PARD3B: variants seen among roughly 807,000 people sequenced by gnomAD.
The protein encoded by PARD3B is par-3 family cell polarity regulator beta, also known as partitioning defective 3 homolog B.
In PARD3B, 103 loss-of-function variants were observed where a neutral mutation model predicts 130.2. The observed-to-expected ratio is 0.79, with a 90% CI of 0.67 to 0.93. The LOEUF (loss-of-function observed/expected upper bound fraction) is 0.93. Among genes scored for constraint, PARD3B ranks in the 40% least tolerant of loss-of-function variants. PARD3B has a pLI of 0.00. For synonymous variants in PARD3B, 583 were observed against 553.2 expected (o/e 1.05, Z -0.76); for missense variants, 1,609 against 1,499.2 (o/e 1.07, Z -1.21).
At chr2:205,607,959 T>C (rs10932120) in intron 22 of PARD3B, among the ~76,000 whole-genome samples, 31,913 of 151,746 alleles carry the variant, frequency 0.21, 3,687 homozygotes, top group South Asian at 0.28. Flanking sequence ...AATAATCTAA[T>C]GATCATAGGT....
chr2:205,614,675 C>CA (rs2055356373), intron 22 of PARD3B, among the ~76,000 whole-genome samples: 1 of 150,992 alleles, frequency 6.6e-6, no homozygotes, highest in Admixed American at 6.6e-5. Context: ...CATTGCACTC[C>CA]AGCCTGGGTG....
chr2:204,808,995 A>G (rs1364523051), intron 2 of PARD3B, among the ~76,000 whole-genome samples: 2 of 151,874 alleles, frequency 1.3e-5, no homozygotes, highest in Admixed American at 1.3e-4. Context: ...ATGGTACCCC[A>G]TTGTGGTTTT....
intron 2 of PARD3B, among the ~76,000 whole-genome samples, chr2:204,813,312 C>A (rs947110182): frequency 1.3e-4 from 19 of 151,874 alleles, no homozygotes; most frequent in African/African-American, 4.1e-4. Context: ...TACTTCTTTG[C>A]CATTTGTATA....
intron 2 of PARD3B, among the ~76,000 whole-genome samples, chr2:204,861,924 C>CAAAAAAAAAAAA (rs60473341): frequency 1.8e-4 from 6 of 34,078 alleles, no homozygotes; most frequent in East Asian, 8.7e-4. Context: ...AGACATTTCT[C>CAAAAAAAAAAAA]AAAAAAAAAA....
chr2:205,416,702 A>G (rs986791320), intron 19 of PARD3B, among the ~76,000 whole-genome samples: 1 of 152,132 alleles, frequency 6.6e-6, no homozygotes, highest in African/African-American at 2.4e-5. Flanking sequence ...TTTATGGAAG[A>G]TTGATGCATT....
At chr2:204,969,532 A>G (rs970694892) in intron 3 of PARD3B, among the ~76,000 whole-genome samples, 2 of 152,234 alleles carry the variant, frequency 1.3e-5, no homozygotes, top group African/African-American at 2.4e-5. Context: ...AGAATTTTAT[A>G]ATTAGCAATT....
At chr2:204,656,854 T>C (rs1407031831) in intron 1 of PARD3B, among the ~76,000 whole-genome samples, 2 of 152,328 alleles carry the variant, frequency 1.3e-5, no homozygotes, top group East Asian at 3.9e-4. Flanking sequence ...TAATAAGCTT[T>C]AAATGATTTG....
intron 2 of PARD3B, among the ~76,000 whole-genome samples, chr2:204,955,311 G>T (rs186338449): frequency 9.2e-5 from 14 of 152,224 alleles, no homozygotes; most frequent in African/African-American, 3.4e-4. Context: ...AGGAGACAAG[G>T]TTGGAATCAT....
chr2:205,164,684 T>C (rs1045147187), intron 11 of PARD3B, among the ~76,000 whole-genome samples: 16 of 152,102 alleles, frequency 1.1e-4, no homozygotes, highest in African/African-American at 3.4e-4. Context: ...AGGGTTGATA[T>C]TCCTAATGAA....
At chr2:205,117,741 T>A (rs1166652585) in intron 6 of PARD3B, among the ~76,000 whole-genome samples, 1 of 152,200 alleles carries the variant, frequency 6.6e-6, no homozygotes, top group Non-Finnish European at 1.5e-5. Flanking sequence ...AGCAGACTCC[T>A]CTTGCAGGAC....
rs945406934 is a variant in PARD3B, at chr2:205,351,384, T to A, written c.2631-49629T>A. ...TCAGTCTAGATAGATTGAGCCTAGG[T>A]CATCTCTTTTGGGCAAGGATGGTGA... On this transcript the variant is annotated intron_variant, in intron 18 of 22. Coordinates refer to ENST00000406610, the MANE Select transcript of PARD3B (RefSeq NM_001302769.2). This position sits in a 1 kb window ranked among gnomAD's most constrained non-coding sequence, Gnocchi z 4.2. 2.6e-5 allele frequency among the ~76,000 whole-genome samples: 4 copies of A among 152,180 alleles called. No homozygotes were observed. The highest frequency in any genetic ancestry group is 1.3e-4 in the Admixed American group (2 of 15,282).
intron 4 of PARD3B, among the ~76,000 whole-genome samples, chr2:205,068,486 C>T (rs1700526197): frequency 6.6e-6 from 1 of 150,458 alleles, no homozygotes; most frequent in African/African-American, 2.4e-5. Flanking sequence ...AGTTAATACC[C>T]TCTATTCTTT....
chr2:205,152,451 T>C (rs1194809752), intron 10 of PARD3B, among the ~76,000 whole-genome samples: 2 of 152,184 alleles, frequency 1.3e-5, no homozygotes, highest in African/African-American at 4.8e-5. Context: ...GGAGGCTTTG[T>C]TCATTTCTTT....
chr2:205,506,431 T>A (rs956314191), intron 21 of PARD3B, among the ~76,000 whole-genome samples: 2 of 152,170 alleles, frequency 1.3e-5, no homozygotes, highest in African/African-American at 4.8e-5. Context: ...GTTGGGTGAA[T>A]AAATGTAAAC....
chr2:205,169,494 A>T (rs1437320642), intron 11 of PARD3B, among the ~76,000 whole-genome samples: 1 of 152,226 alleles, frequency 6.6e-6, no homozygotes, highest in African/African-American at 2.4e-5. Flanking sequence ...CTTGTCTGTT[A>T]TCTACCTCTT....
rs1474541482 is a variant in PARD3B, at chr2:205,176,093, C to G, written c.1792-352C>G. Among the ~76,000 whole-genome samples the G allele has an allele frequency of 6.6e-6, 1 of 152,094 alleles. No homozygotes were observed. Among genetic ancestry groups the G allele is most frequent in the Non-Finnish European group, 1.5e-5 (1 of 68,014 alleles). ...AACCAGCTGGTTGGCAGAGAAACAC[C>G]CTTGGCATGAACTGTATTCTTGTGT... On this transcript the variant is annotated intron_variant, in intron 12 of 22. Transcript: ENST00000406610. This position sits in a 1 kb window ranked among gnomAD's most constrained non-coding sequence, Gnocchi z 5.3.
chr2:205,414,213 T>C (rs1450886129), intron 19 of PARD3B, among the ~76,000 whole-genome samples: 1 of 152,210 alleles, frequency 6.6e-6, no homozygotes. Context: ...GTCCATATCA[T>C]AATTACATTA....
intron 2 of PARD3B, among the ~76,000 whole-genome samples, chr2:204,840,733 G>A (rs2044229937): frequency 6.6e-6 from 1 of 151,942 alleles, no homozygotes. Flanking sequence ...AGTTACCTAT[G>A]GTCAACCACG....
intron 10 of PARD3B, among the ~76,000 whole-genome samples, chr2:205,151,678 G>T (rs530415258): frequency 1.4e-4 from 22 of 152,240 alleles, no homozygotes; most frequent in African/African-American, 5.1e-4. Context: ...GTCTCTGCAT[G>T]TGAGATGGGT....
Sources: allele counts gnomAD v4.1 joint callset (sites outside exome capture counted in the v4.1 genomes callset), GRCh38; gene constraint gnomAD v4.1.1; non-coding constraint Gnocchi (gnomAD v3.1); transcripts MANE v1.5; gene names NCBI Gene and HGNC (gene_info 2026-07-23, HGNC 2026-07-21).